The following TTN variants were observed in gnomAD, a reference collection of about 807,000 sequenced individuals.
TTN encodes the protein titin.
Under a neutral mutation model 3,223.0 loss-of-function variants are expected in TTN, and 1,525 were observed. The ratio of observed to expected loss-of-function variants is 0.47; its 90% CI spans 0.45 to 0.49. TTN has a LOEUF of 0.49. Ranked by LOEUF, TTN falls within the 20% of genes least tolerant of loss-of-function variation. The pLI is 0.00. For missense variants in TTN, 40,786 were observed against 43,424.0 expected, an observed-to-expected ratio of 0.94 and a Z score of 5.40; for synonymous variants, 14,094 against 15,161.0, an observed-to-expected ratio of 0.93 and a Z score of 5.17.
rs1187427678 is a variant in TTN, at chr2:178,542,889, C to G, written c.96965G>C (p.Arg32322Thr). ...AATAGGTATCACCAGCTCTACTGGT[C>G]TGCCAGCTGGGACATGGATGGTCTT... ...PQKTIHVPAG[R>T]PVELVIPIAG... The change falls in exon 348 of 363, where the codon AGA becomes ACA. Residue 32322 changes from arginine to threonine, a missense_variant. By Grantham distance (71) the Arg-to-Thr change is moderately conservative. Transcript: ENST00000589042. The G allele has an allele frequency of 4.3e-6, 7 of 1,613,472 alleles. No homozygotes were observed. Among genetic ancestry groups the G allele is most frequent in the Non-Finnish European group, 5.9e-6 (7 of 1,179,582 alleles).
Position 178,713,989 on chromosome 2 carries a change from A to C in TTN, c.26669T>G (p.Ile8890Ser). The change falls in exon 92 of 363, where the codon ATC (isoleucine) becomes AGC (serine). Residue 8890 changes from isoleucine (I) to serine (S), a missense_variant. By Grantham distance (142) the Ile-to-Ser change is moderately radical. Coordinates refer to ENST00000589042, the MANE Select transcript of TTN (RefSeq NM_001267550.2). ...CCCACTGTCACTCGGTGCTACATTGATGATCTTAAGGCCGGATACTTTGTT... is the reference window on the plus strand; with the variant it reads ...CCCACTGTCACTCGGTGCTACATTGCTGATCTTAAGGCCGGATACTTTGTT... ...FFNKVSGLKI[I>S]NVAPSDSGVY... is the part of the protein sequence containing the mutation. 6.2e-7 allele frequency: 1 copy of C among 1,613,648 alleles called. No homozygotes were observed.
At chr2:178,760,848 GGTGT>G (rs3045724) in intron 43 of TTN, 16,396 of 144,912 alleles carry the variant, frequency 0.11, 1,238 homozygotes, top group Admixed American at 0.27. Context: ...TGTGTGAAGG[GGTGT>G]GTGTGTGTGT....
chr2:178,726,057 C>A lies in TTN; in HGVS notation c.20276-11G>T. ...TAAAAACAGGTGGCTCTGCAAAAAACAAGAATTTCTCATGAATTGGGCTAC... is the reference window on the plus strand; with the variant it reads ...TAAAAACAGGTGGCTCTGCAAAAAAAAAGAATTTCTCATGAATTGGGCTAC... On this transcript the variant is annotated splice_polypyrimidine_tract_variant and intron_variant, in intron 69 of 362. Transcript: ENST00000589042. The A allele has an allele frequency of 6.7e-7, 1 of 1,499,146 alleles. No individual in the cohort carries two copies. The highest frequency in any genetic ancestry group is 8.9e-7 in the Non-Finnish European group (1 of 1,124,922). 92.9% of individuals were successfully genotyped at this position (1,499,146 alleles called of 1,614,324 possible). A position where few individuals can be genotyped will look rare whatever the true frequency, so the allele number is the denominator to read the frequency against.
chr2:178,802,427 C>T (rs947113916), intron 2 of TTN, 86 bp from the exon 3 acceptor site: 53 of 1,469,568 alleles, frequency 3.6e-5, no homozygotes, highest in Non-Finnish European at 4.4e-5. Flanking sequence ...CTGCCTTGTC[C>T]GAATCTGTAA....
rs749465647 is a variant in TTN, at chr2:178,613,024, G to C, written c.49697C>G (p.Thr16566Arg). The C allele has an allele frequency of 9.3e-6, 15 of 1,612,642 alleles. No individual in the cohort carries two copies. The highest frequency in any genetic ancestry group is 1.2e-5 in the Non-Finnish European group (14 of 1,179,238). The change falls in exon 265 of 363, where the codon ACA (threonine) becomes AGA (arginine). Residue 16566 changes from threonine to arginine, a missense_variant. Coordinates refer to ENST00000589042, the MANE Select transcript of TTN (RefSeq NM_001267550.2). ...GKPTVKDVGK[T>R]SVRLNWTKPE... is the part of the protein sequence containing the mutation. ...TTTTGTCCAATTCAACCTTACTGAT[G>C]TTTTGCCTACATCTTTTACAGTTGG...
chr2:178,792,885 C>T (rs1325838293), intron 9 of TTN, among the ~76,000 whole-genome samples: 1 of 152,218 alleles, frequency 6.6e-6, no homozygotes, highest in African/African-American at 2.4e-5. Flanking sequence ...TCCAATCTGT[C>T]CCCAAATGCC....
rs374151070 is a variant in TTN, at chr2:178,562,133, C to T, written c.83999G>A (p.Gly28000Asp). The T allele has an allele frequency of 2.5e-6, 4 of 1,613,218 alleles. No homozygotes were observed. The highest frequency in any genetic ancestry group is 3.4e-6 in the Non-Finnish European group (4 of 1,179,572). ...PQATVNWRKD[G>D]QTLKETTRVN... ...TCTAGTTGTCTCTTTAAGAGTCTGACCATCTTTTCTCCAGTTCACAGTAGC... is the reference window on the plus strand; with the variant it reads ...TCTAGTTGTCTCTTTAAGAGTCTGATCATCTTTTCTCCAGTTCACAGTAGC... Residue 28000 changes from glycine to aspartate, a missense_variant, in exon 326 of 363, where the codon GGT (glycine) becomes GAT (aspartate). Transcript: ENST00000589042.
chr2:178,564,283 A>G lies in TTN; in HGVS notation c.81849T>C (p.Asp27283=), dbSNP rs1704830329. 1 of 1,613,262 alleles carries G rather than the reference A, an allele frequency of 6.2e-7. No homozygotes were observed. The highest frequency in any genetic ancestry group is 1.3e-5 in the African/African-American group (1 of 74,896). Residue 27283 remains aspartate, a synonymous_variant, in exon 326 of 363, where the codon GAT becomes GAC. Coordinates refer to ENST00000589042, the MANE Select transcript of TTN (RefSeq NM_001267550.2). ...TCTCTCCTGCATGAACAACGATGAC[A>G]TCTTTATATTTTGGATCCAGAGAGG... ...PNASLDPKYK[D]VIVVHAGETF... is the part of the protein sequence containing the mutation.
chr2:178,678,696 C>A, intron 143 of TTN, 51 bp downstream of exon 143: 1 of 1,530,174 alleles, frequency 6.5e-7, no homozygotes, highest in South Asian at 1.2e-5. Flanking sequence ...TTAATTTTTA[C>A]CCATATGCAA....
In TTN at chr2:178,702,605, A is replaced by C. The variant is rs886042543; in HGVS notation, c.30282T>G (p.Ser10094=). 2.1e-5 allele frequency: 34 copies of C among 1,613,908 alleles called. No homozygotes were observed. Among genetic ancestry groups the C allele is most frequent in the Non-Finnish European group, 2.9e-5 (34 of 1,179,896 alleles). ...IQNIVVSEHQ[S]ATFECEVSFD... ...AGGACACTTCACACTCAAAGGTGGC[A>C]GACTGATGCTCACTCACCACGATGT... Residue 10094 remains serine, a synonymous_variant, in exon 107 of 363, where the codon TCT becomes TCG. Coordinates refer to ENST00000589042, the MANE Select transcript of TTN (RefSeq NM_001267550.2).
rs2078879019 is a variant in TTN, at chr2:178,723,893, A to G, written c.21366T>C (p.Ala7122=). The G allele has an allele frequency of 1.9e-6, 3 of 1,613,206 alleles. No individual in the cohort carries two copies. The highest frequency in any genetic ancestry group is 2.2e-5 in the East Asian group (1 of 44,858). ...GNYTCVAANV[A]GSDECRAVLT... is the part of the protein sequence containing the mutation. ...GCACTGCACGACATTCATCAGACCC[A>G]GCGACATTAGCAGCCACGCATGTGT... Residue 7122 remains alanine, a synonymous_variant, in exon 73 of 363, where the codon GCT becomes GCC. Transcript: ENST00000589042.
Position 178,527,053 on chromosome 2 carries a change from A to G in TTN, c.107935T>C (p.Ser35979Pro). Reference protein sequence around the residue: ...YTLSLGNEFGSDSATVNIHIR... With the variant: ...YTLSLGNEFGPDSATVNIHIR... Reference sequence around the variant, plus strand: ...TGTATATTCACAGTGGCAGAGTCAGATCCAAATTCATTCCCTAAACTCAGG... The same window carrying G: ...TGTATATTCACAGTGGCAGAGTCAGGTCCAAATTCATTCCCTAAACTCAGG... Residue 35979 changes from serine (S) to proline (P), a missense_variant, in exon 363 of 363, where the codon TCT becomes CCT. Transcript: ENST00000589042. The G allele has an allele frequency of 6.2e-7, 1 of 1,613,878 alleles. No individual in the cohort carries two copies. The highest frequency in any genetic ancestry group is 8.5e-7 in the Non-Finnish European group (1 of 1,179,842).
intron 43 of TTN, among the ~76,000 whole-genome samples, chr2:178,762,448 A>G (rs991499582): frequency 6.6e-6 from 1 of 152,160 alleles, no homozygotes; most frequent in Non-Finnish European, 1.5e-5. Context: ...TGTCTTGTAG[A>G]GTGCTTCAGG....
chr2:178,531,504 G>A lies in TTN; in HGVS notation c.105111C>T (p.Thr35037=), dbSNP rs1338776972. Residue 35037 remains threonine (T), a synonymous_variant, in exon 358 of 363, where the codon ACC becomes ACT. Coordinates refer to ENST00000589042, the MANE Select transcript of TTN (RefSeq NM_001267550.2). The part of the protein sequence containing the change: ...ATLDVTGGDY[T]TYASQRRDEE... Reference sequence around the variant, plus strand: ...CATCTCTGCGTTGGGAAGCATAGGTGGTATAATCCCCTCCTGTCACGTCCA... The same window carrying A: ...CATCTCTGCGTTGGGAAGCATAGGTAGTATAATCCCCTCCTGTCACGTCCA... 7 of 1,613,750 alleles carry A rather than the reference G, an allele frequency of 4.3e-6. No individual in the cohort carries two copies. In the Admixed American group the frequency reaches 1.2e-4, roughly 27 times the overall value.
chr2:178,774,893 A>G (rs1214764066), intron 29 of TTN, 28 bp downstream of exon 29: 1 of 1,612,874 alleles, frequency 6.2e-7, no homozygotes, highest in African/African-American at 1.3e-5. Context: ...AGCTTAGGTA[A>G]ACAATGAAAT....
At position 178,741,677 on chromosome 2, in the gene TTN, C is replaced by T. The variant is rs750599414; in HGVS notation, c.11556G>A (p.Gln3852=). 26 of 1,613,824 alleles carry T rather than the reference C, an allele frequency of 1.6e-5. No homozygotes were observed. In the East Asian group the frequency reaches 5.8e-4, roughly 36 times the overall value. Residue 3852 remains glutamine (Q), a synonymous_variant, in exon 48 of 363, where the codon CAG becomes CAA. Transcript: ENST00000589042. ...TVIGIPKPKI[Q]WFFNGVLLTP... ...TTAATAGCACTCCATTAAAGAACCA[C>T]TGAATTTTAGGTTTGGGGATGCCAA...
At position 178,537,564 on chromosome 2, in the gene TTN, G is replaced by A. The variant is rs377598016; in HGVS notation, c.99643C>T (p.Arg33215Trp). 93 of 1,613,796 alleles carry A rather than the reference G, an allele frequency of 5.8e-5. No homozygotes were observed. Among genetic ancestry groups the A allele is most frequent in the South Asian group, 1.6e-4 (15 of 91,078 alleles). ...CGACCAATGTACATAACATGAAGCC[G>A]AAGTGTGGAACCCACAGCTCCATAA... is the stretch of plus-strand genomic sequence containing the variant. ...KYYGAVGSTL[R>W]LHVMYIGRPV... The change falls in exon 355 of 363, where the codon CGG becomes TGG. Residue 33215 changes from arginine to tryptophan, a missense_variant. By Grantham distance (101) the Arg-to-Trp change is moderately radical. Transcript: ENST00000589042.
In TTN at chr2:178,553,491, T is replaced by G. The variant is rs1251503079; in HGVS notation, c.89503+11A>C. ...TTATTAAAAAACATAATCAAACCAG[T>G]AGGTACATACCAAGTATATCTTTAG... On this transcript the variant is annotated intron_variant, in intron 334 of 362. Transcript: ENST00000589042. The G allele has an allele frequency of 6.3e-7, 1 of 1,598,492 alleles. No homozygotes were observed. The highest frequency in any genetic ancestry group is 8.5e-7 in the Non-Finnish European group (1 of 1,172,220).
rs757850255 is a variant in TTN at position 178,712,972 on chromosome 2, G to A, written c.27053C>T (p.Pro9018Leu). 3 of 1,611,358 alleles carry A rather than the reference G, an allele frequency of 1.9e-6. No individual in the cohort carries two copies. The highest frequency in any genetic ancestry group is 1.7e-5 in the Admixed American group (1 of 59,746). The change falls in exon 94 of 363, where the codon CCA (proline) becomes CTA (leucine). Residue 9018 changes from proline to leucine, a missense_variant. Coordinates refer to ENST00000589042, the MANE Select transcript of TTN (RefSeq NM_001267550.2). The stretch of plus-strand genomic sequence containing the variant: ...ATCAGGTTTCTGAACAAAAGATGGT[G>A]GTTCTAAACACAAAAGCACATATCA... ...ECSAPLTVRE[P>L]PSFVQKPDPM...
Sources: allele counts gnomAD v4.1 joint callset (sites outside exome capture counted in the v4.1 genomes callset), GRCh38; gene constraint gnomAD v4.1.1; transcripts MANE v1.5; gene names NCBI Gene and HGNC (gene_info 2026-07-23, HGNC 2026-07-21).